Variants in NUBPL observed in about 807,000 individuals in gnomAD.
NUBPL encodes the protein iron-sulfur cluster transfer protein NUBPL.
In NUBPL, 31 loss-of-function variants were observed where a neutral mutation model predicts 45.7. The ratio of observed to expected loss-of-function variants is 0.68; its 90% CI spans 0.51 to 0.92. The LOEUF (loss-of-function observed/expected upper bound fraction) is 0.92. NUBPL is among the 40% of genes least tolerant of loss of function. NUBPL has a pLI of 0.00. For synonymous variants in NUBPL, 144 were observed against 140.9 expected (o/e 1.02, Z -0.15); for missense variants, 401 against 398.7 (o/e 1.01, Z -0.05).
chr14:31,619,597 T>C (rs2035004342), intron 4 of NUBPL, among the ~76,000 whole-genome samples: 1 of 152,220 alleles, frequency 6.6e-6, no homozygotes, highest in African/African-American at 2.4e-5. Flanking sequence ...TCTTTATGAA[T>C]GTTGAACATT....
At position 31,562,604 on chromosome 14, in the gene NUBPL, G is replaced by GT. The variant is rs34451286; in HGVS notation, c.256+406dup. 3.3e-3 allele frequency among the ~76,000 whole-genome samples: 391 copies of GT among 119,762 alleles called. 7 individuals are homozygous for GT. Among genetic ancestry groups the GT allele is most frequent in the South Asian group, 0.013 (53 of 3,942 alleles). 78.6% of individuals were successfully genotyped at this position (119,762 alleles called of 152,430 possible). Reference sequence around the variant, plus strand: ...AAACATCTAGTAACTTTTTTTTTTTGTTTTTTTTTTTTTTTTTGAGACGGA... The same window carrying GT: ...AAACATCTAGTAACTTTTTTTTTTTGTTTTTTTTTTTTTTTTTTGAGACGGA... On this transcript the variant is annotated intron_variant, in intron 2 of 10. Transcript: ENST00000281081.
intron 4 of NUBPL, among the ~76,000 whole-genome samples, chr14:31,647,815 G>C (rs757784336): frequency 1.3e-5 from 2 of 152,164 alleles, no homozygotes; most frequent in Non-Finnish European, 2.9e-5. Flanking sequence ...TGAACTCACT[G>C]TTTTCAGCCG....
At chr14:31,761,252 C>A (rs148545139) in intron 6 of NUBPL, among the ~76,000 whole-genome samples, 1 of 152,174 alleles carries the variant, frequency 6.6e-6, no homozygotes, top group African/African-American at 2.4e-5. Flanking sequence ...AATCATAGCT[C>A]ACTGCAGCCT....
chr14:31,575,745 AAATAC>A (rs944619865), intron 3 of NUBPL, among the ~76,000 whole-genome samples: 3 of 152,214 alleles, frequency 2.0e-5, no homozygotes, highest in African/African-American at 2.4e-5. Flanking sequence ...GCTTGGAAGT[AAATAC>A]AATACATAAC....
At chr14:31,650,287 CTTTTTTTTT>C (rs35127795) in intron 4 of NUBPL, among the ~76,000 whole-genome samples, 1 of 116,600 alleles carries the variant, frequency 8.6e-6, no homozygotes, top group African/African-American at 3.6e-5. Flanking sequence ...GGCTTTCTTT[CTTTTTTTTT>C]TTTTTTTTTT....
intron 8 of NUBPL, among the ~76,000 whole-genome samples, chr14:31,837,271 C>T (rs2139000785): frequency 6.6e-6 from 1 of 152,262 alleles, no homozygotes; most frequent in East Asian, 1.9e-4. Flanking sequence ...TTTGAGGCTT[C>T]AGTGAGCCGT....
chr14:31,641,596 G>A (rs1015367042), intron 4 of NUBPL, among the ~76,000 whole-genome samples: 1 of 152,126 alleles, frequency 6.6e-6, no homozygotes, highest in African/African-American at 2.4e-5. Flanking sequence ...GAGTACTTAG[G>A]TTTATTCCAT....
intron 7 of NUBPL, among the ~76,000 whole-genome samples, chr14:31,816,417 C>G (rs927274034): frequency 1.8e-4 from 27 of 150,514 alleles, no homozygotes; most frequent in Admixed American, 9.4e-4. Flanking sequence ...TGACTCTTCT[C>G]TCTTTTCTTC....
chr14:31,858,650 A>G (rs2040662674), intron 10 of NUBPL, among the ~76,000 whole-genome samples: 1 of 152,140 alleles, frequency 6.6e-6, no homozygotes, highest in African/African-American at 2.4e-5. Flanking sequence ...TGGTGCTGGT[A>G]TTACACACCA....
At chr14:31,570,474 A>G (rs947466129) in intron 3 of NUBPL, among the ~76,000 whole-genome samples, 5 of 152,212 alleles carry the variant, frequency 3.3e-5, no homozygotes, top group Admixed American at 2.6e-4. Flanking sequence ...TTTATTCCAG[A>G]GTAAAGCAGT....
intron 7 of NUBPL, among the ~76,000 whole-genome samples, chr14:31,806,043 C>T (rs1381892810): frequency 6.6e-6 from 1 of 152,142 alleles, no homozygotes; most frequent in African/African-American, 2.4e-5. Context: ...CTTTTAAATT[C>T]ATTAAACATT....
chr14:31,661,564 C>T (rs986637078), intron 4 of NUBPL, among the ~76,000 whole-genome samples: 41 of 152,258 alleles, frequency 2.7e-4, no homozygotes, highest in African/African-American at 3.9e-4. Context: ...TTCTCCGAGA[C>T]GGAGTCTCGC....
chr14:31,821,298 G>C (rs756188062), intron 7 of NUBPL, among the ~76,000 whole-genome samples: 17 of 152,224 alleles, frequency 1.1e-4, no homozygotes, highest in Non-Finnish European at 2.5e-4. Flanking sequence ...ACTGACAAAG[G>C]ATTTATAACC....
intron 6 of NUBPL, among the ~76,000 whole-genome samples, chr14:31,689,624 CTGT>C (rs1016536654): frequency 6.6e-6 from 1 of 152,058 alleles, no homozygotes; most frequent in African/African-American, 2.4e-5. Flanking sequence ...TCTGTCTAGT[CTGT>C]TGATAGTTTC....
At chr14:31,639,932 G>A (rs948553424) in intron 4 of NUBPL, among the ~76,000 whole-genome samples, 6 of 152,110 alleles carry the variant, frequency 3.9e-5, no homozygotes, top group Non-Finnish European at 5.9e-5. Context: ...TTTTAAGCCC[G>A]TTGGAAAAGC....
intron 10 of NUBPL, among the ~76,000 whole-genome samples, chr14:31,856,190 T>G (rs936750090): frequency 6.6e-6 from 1 of 152,126 alleles, no homozygotes; most frequent in Admixed American, 6.5e-5. Context: ...GAACAAGTCA[T>G]GTCTTACATG....
At chr14:31,600,631 A>G (rs2034407406) in intron 4 of NUBPL, among the ~76,000 whole-genome samples, 1 of 152,218 alleles carries the variant, frequency 6.6e-6, no homozygotes, top group African/African-American at 2.4e-5. Flanking sequence ...CAGAAAGCAG[A>G]CATGATAGAT....
chr14:31,601,354 C>G (rs574147668), intron 4 of NUBPL, among the ~76,000 whole-genome samples: 27 of 152,236 alleles, frequency 1.8e-4, no homozygotes, highest in African/African-American at 5.5e-4. Flanking sequence ...GAAGTATGGC[C>G]ATTTTCATGA....
At chr14:31,853,563 C>G (rs1472631498) in intron 10 of NUBPL, among the ~76,000 whole-genome samples, 1 of 152,128 alleles carries the variant, frequency 6.6e-6, no homozygotes, top group Non-Finnish European at 1.5e-5. Flanking sequence ...ATTTAACTCT[C>G]CCAGTAACAT....
Sources: gnomAD v4.1 joint callset for allele counts (sites outside exome capture counted in the v4.1 genomes callset) on GRCh38, gnomAD v4.1.1 for gene constraint, MANE v1.5 for transcripts, NCBI Gene and HGNC (gene_info 2026-07-23, HGNC 2026-07-21) for gene names.